The following LRRC4C variants were observed in gnomAD, a reference collection of about 807,000 sequenced individuals.
The protein encoded by LRRC4C is leucine rich repeat containing 4C.
LRRC4C carries 5 observed loss-of-function variants against 33.6 expected under a neutral mutation model. That is an observed-to-expected ratio of 0.15 (90% CI 0.08 to 0.31). LRRC4C has a LOEUF of 0.31. LRRC4C is among the 10% of genes least tolerant of loss of function. The pLI is 1.00. For synonymous variants in LRRC4C, 329 were observed against 302.0 expected, an observed-to-expected ratio of 1.09 and a Z score of -0.93; for missense variants, 560 against 796.7, an observed-to-expected ratio of 0.70 and a Z score of 3.58.
chr11:40,445,849 T>G (rs1033197427), intron 3 of LRRC4C: 3 of 152,274 alleles, frequency 2.0e-5, no homozygotes, highest in African/African-American at 7.2e-5. Context: ...TTTTCCCCTG[T>G]GAGTTATCTG....
chr11:40,394,907 A>C (rs1949478797), intron 3 of LRRC4C, among the ~76,000 whole-genome samples: 1 of 152,132 alleles, frequency 6.6e-6, no homozygotes, highest in Admixed American at 6.6e-5. Context: ...TATATTTCCT[A>C]TCAACCTTGA....
intron 1 of LRRC4C, among the ~76,000 whole-genome samples, chr11:41,233,327 A>G (rs1028906914): frequency 6.6e-6 from 1 of 152,026 alleles, no homozygotes; most frequent in African/African-American, 2.4e-5. Context: ...AGGGGGAAAA[A>G]TTGTTAATAT....
chr11:40,854,448 G>A (rs1264591892), intron 2 of LRRC4C, among the ~76,000 whole-genome samples: 2 of 152,314 alleles, frequency 1.3e-5, no homozygotes, highest in Admixed American at 6.5e-5. Context: ...GGGTAAATGA[G>A]TTTGGCTAGG....
intron 1 of LRRC4C, among the ~76,000 whole-genome samples, chr11:41,318,111 T>C (rs1421769418): frequency 6.6e-6 from 1 of 152,046 alleles, no homozygotes; most frequent in African/African-American, 2.4e-5. Flanking sequence ...ATTGGAAAAA[T>C]CAAGTTATGA....
At chr11:40,562,568 A>G (rs1450993664) in intron 3 of LRRC4C, among the ~76,000 whole-genome samples, 3 of 152,166 alleles carry the variant, frequency 2.0e-5, no homozygotes, top group Admixed American at 6.5e-5. Flanking sequence ...ACGAATCACA[A>G]ATCTAGTGAA....
intron 2 of LRRC4C, among the ~76,000 whole-genome samples, chr11:40,809,551 A>G (rs11036086): frequency 0.056 from 8,524 of 152,102 alleles, 771 homozygotes; most frequent in African/African-American, 0.2. Context: ...TTTTTGCTGT[A>G]AGTAGATATT....
At chr11:41,325,823 C>T (rs1235903387) in intron 1 of LRRC4C, among the ~76,000 whole-genome samples, 1 of 151,970 alleles carries the variant, frequency 6.6e-6, no homozygotes, top group African/African-American at 2.4e-5. Context: ...CATGGTTTTA[C>T]TCAAACTTTT....
chr11:41,358,811 G>A (rs567541224), intron 1 of LRRC4C, among the ~76,000 whole-genome samples: 10 of 152,238 alleles, frequency 6.6e-5, no homozygotes, highest in Non-Finnish European at 1.3e-4. Context: ...AGACAATTTG[G>A]TGGATTCTGA....
chr11:40,606,066 T>A (rs984878298), intron 3 of LRRC4C, among the ~76,000 whole-genome samples: 1 of 152,150 alleles, frequency 6.6e-6, no homozygotes, highest in Non-Finnish European at 1.5e-5. Context: ...ACAGCTTGGT[T>A]GTCTCTCCCT....
intron 1 of LRRC4C, among the ~76,000 whole-genome samples, chr11:41,064,966 G>C (rs1938107463): frequency 6.6e-6 from 1 of 152,202 alleles, no homozygotes; most frequent in Non-Finnish European, 1.5e-5. Flanking sequence ...CAGGTTTCAA[G>C]CACAAAACTG....
intron 2 of LRRC4C, among the ~76,000 whole-genome samples, chr11:40,749,534 T>A (rs1948586653): frequency 1.5e-5 from 2 of 137,746 alleles, no homozygotes; most frequent in African/African-American, 5.4e-5. Context: ...TATAAAGATA[T>A]CAAAAAAATC....
At chr11:40,980,647 G>A (rs895840522) in intron 1 of LRRC4C, among the ~76,000 whole-genome samples, 4 of 152,066 alleles carry the variant, frequency 2.6e-5, no homozygotes, top group South Asian at 2.1e-4. Flanking sequence ...AAATACTTGC[G>A]GGTTATGGTT....
rs374376706 is a variant in LRRC4C at position 40,250,362 on chromosome 11, T to A, written c.-175-8764A>T. Among the ~76,000 whole-genome samples, 25 of 152,272 alleles carry A rather than the reference T, an allele frequency of 1.6e-4. No homozygotes were observed. The East Asian group carries it at 3.9e-3, about 24-fold the overall frequency. ...TAGATATGATCCCAAATTTCTATACTTCAGAACACTGACTTCTATTCCTTG... is the reference window on the plus strand; with the variant it reads ...TAGATATGATCCCAAATTTCTATACATCAGAACACTGACTTCTATTCCTTG... On this transcript the variant is annotated intron_variant, in intron 4 of 6. Transcript: ENST00000528697.
chr11:40,224,691 G>T (rs747281052), intron 5 of LRRC4C, among the ~76,000 whole-genome samples: 1 of 152,140 alleles, frequency 6.6e-6, no homozygotes, highest in Non-Finnish European at 1.5e-5. Context: ...ATGAGATAAC[G>T]TATGTCAAAT....
At chr11:40,869,530 G>A (rs1398112243) in intron 2 of LRRC4C, among the ~76,000 whole-genome samples, 2 of 152,116 alleles carry the variant, frequency 1.3e-5, no homozygotes, top group African/African-American at 4.8e-5. Flanking sequence ...CAGGAGTTGG[G>A]TGAGTGGGCT....
intron 3 of LRRC4C, among the ~76,000 whole-genome samples, chr11:40,383,873 T>C (rs1376476336): frequency 6.6e-6 from 1 of 150,830 alleles, no homozygotes; most frequent in African/African-American, 2.4e-5. Flanking sequence ...TTTGTTGAGA[T>C]AGGGTCTCTC....
chr11:40,504,018 C>A (rs933275747), intron 3 of LRRC4C, among the ~76,000 whole-genome samples: 2 of 152,062 alleles, frequency 1.3e-5, no homozygotes, highest in African/African-American at 4.8e-5. Context: ...TAACCCTCTC[C>A]AAAGAAATTG....
chr11:40,911,641 C>T (rs961558518), intron 2 of LRRC4C, among the ~76,000 whole-genome samples: 1 of 152,214 alleles, frequency 6.6e-6, no homozygotes, highest in Non-Finnish European at 1.5e-5. Flanking sequence ...CAGAGAGCCT[C>T]TCTTCCTCCA....
chr11:41,084,713 G>A (rs1466356204), intron 1 of LRRC4C, among the ~76,000 whole-genome samples: 1 of 152,128 alleles, frequency 6.6e-6, no homozygotes, highest in Non-Finnish European at 1.5e-5. Context: ...GCTGGGTGTG[G>A]TGGTGGGCAT....
Sources: gnomAD v4.1 joint callset for allele counts (sites outside exome capture counted in the v4.1 genomes callset) on GRCh38, gnomAD v4.1.1 for gene constraint, MANE v1.5 for transcripts, NCBI Gene and HGNC (gene_info 2026-07-23, HGNC 2026-07-21) for gene names.